The following CTDP1 variants were observed in gnomAD, a reference collection of about 807,000 sequenced individuals.
CTDP1 encodes RNA polymerase II subunit A C-terminal domain phosphatase.
CTDP1 carries 47 observed loss-of-function variants against 91.8 expected under a neutral mutation model. The ratio of observed to expected loss-of-function variants is 0.51; its 90% confidence interval spans 0.41 to 0.65. The LOEUF (loss-of-function observed/expected upper bound fraction) is 0.65, where lower values mean the gene tolerates loss of function less well. Among genes scored for constraint, CTDP1 ranks in the 30% least tolerant of loss-of-function variants. CTDP1 has a pLI of 0.00. For missense variants in CTDP1, 1,272 were observed against 1,373.7 expected (o/e 0.93, Z 1.17); for synonymous variants, 656 against 598.5 (o/e 1.10, Z -1.40).
intron 10 of CTDP1, 71 bp from the exon 11 acceptor site, chr18:79,728,836 G>A (rs1317877014): frequency 1.3e-6 from 2 of 1,505,918 alleles, no homozygotes; most frequent in Non-Finnish European, 1.8e-6. Context: ...AGAGCCAGGA[G>A]TCTGATTCGG....
Position 79,715,510 on chromosome 18 carries a change from C to A in CTDP1, c.2050C>A (p.Leu684Met), listed in dbSNP as rs868166103. ...CGACGCCCCTGACAGGGCCACGCACCTGATCGCCGCGCGAGCTGGTGAGTG... is the reference window on the plus strand; with the variant it reads ...CGACGCCCCTGACAGGGCCACGCACATGATCGCCGCGCGAGCTGGTGAGTG... Reference protein sequence around the residue: ...SPDAPDRATHLIAARAGTEKV... With the variant: ...SPDAPDRATHMIAARAGTEKV... Residue 684 changes from leucine (L) to methionine (M), a missense_variant, in exon 8 of 13, where the codon CTG becomes ATG. By Grantham distance (15) the Leu-to-Met change is conservative. Transcript: ENST00000613122. The A allele has an allele frequency of 6.4e-7, 1 of 1,559,796 alleles. No homozygotes were observed.
chr18:79,729,343 G>T (rs997769149), intron 11 of CTDP1, among the ~76,000 whole-genome samples: 4 of 152,218 alleles, frequency 2.6e-5, no homozygotes, highest in African/African-American at 9.6e-5. Context: ...TCTTCACCAG[G>T]ACCGATGCCG....
chr18:79,724,344 G>A (rs1259191797), intron 10 of CTDP1, among the ~76,000 whole-genome samples: 1 of 152,228 alleles, frequency 6.6e-6, no homozygotes, highest in African/African-American at 2.4e-5. Context: ...GGTAGATACA[G>A]TTGCTAAATT....
intron 12 of CTDP1, 102 bp downstream of exon 12, chr18:79,736,623 A>G: frequency 7.4e-6 from 9 of 1,221,086 alleles, no homozygotes; most frequent in Non-Finnish European, 1.0e-5. Flanking sequence ...CACGCCCTCC[A>G]CCATTCTGTG....
rs2122926335 is a variant in CTDP1, at chr18:79,754,167, G to C, written c.*377G>C. 1 of 348,090 alleles carries C rather than the reference G, an allele frequency of 2.9e-6. No homozygotes were observed. The highest frequency in any genetic ancestry group is 7.4e-5 in the East Asian group (1 of 13,540). The allele number at this position is 348,090 out of a possible 1,614,324, so 21.6% of individuals were successfully genotyped here. ...GGGGGTCCCACGAGACATGGACTAG[G>C]AGTTTAAGCAGGACAGTGTGCGTGC... On this transcript the variant is annotated 3_prime_UTR_variant, in exon 13 of 13. Transcript: ENST00000613122.
rs111806486 is a variant in CTDP1, at chr18:79,690,883, C to A, written c.315-4342C>A. ...AACCGCAGTACAGAAAATTACGTGA[C>A]TCCGACGTGGCCAGTATGCGAGTGA... On this transcript the variant is annotated intron_variant, in intron 1 of 12. Transcript: ENST00000613122. 4.4e-3 allele frequency among the ~76,000 whole-genome samples: 671 copies of A among 152,362 alleles called. 3 individuals carry two copies. The highest frequency in any genetic ancestry group is 0.015 in the African/African-American group (605 of 41,578).
rs2086124201 is a variant in CTDP1 at position 79,713,520 on chromosome 18, C to A, written c.1030+382C>A. Among the ~76,000 whole-genome samples, 1 of 152,208 alleles carries A rather than the reference C, an allele frequency of 6.6e-6. No individual in the cohort carries two copies. Among genetic ancestry groups the A allele is most frequent in the Admixed American group, 6.5e-5 (1 of 15,290 alleles). ...TGGCTCTGCGGGGAATAACCGTTCC[C>A]CATGCGCAGTGGTCAGGCTGGGCGC... On this transcript the variant is annotated intron_variant, in intron 7 of 12. Transcript: ENST00000613122. This position sits in a 1 kb window ranked among gnomAD's most constrained non-coding sequence, Gnocchi z 4.7.
chr18:79,680,471 G>A (rs571731092), intron 1 of CTDP1, among the ~76,000 whole-genome samples: 2 of 152,346 alleles, frequency 1.3e-5, no homozygotes, highest in South Asian at 4.1e-4. Flanking sequence ...AAAAGGAAAG[G>A]GTCCTGCGTA....
At chr18:79,717,401 G>A in intron 8 of CTDP1, 134 bp from the exon 9 acceptor site, 1 of 1,294,478 alleles carries the variant, frequency 7.7e-7, no homozygotes, top group Non-Finnish European at 1.1e-6. Flanking sequence ...AGGCCCTGGT[G>A]GGATGCAGCC....
At chr18:79,753,562 A>G in intron 12 of CTDP1, 90 bp from the exon 13 acceptor site, 1 of 1,601,248 alleles carries the variant, frequency 6.2e-7, no homozygotes, top group Non-Finnish European at 8.5e-7. Context: ...TGTTAAAACC[A>G]CGGAAGCCAC....
chr18:79,755,485 A>G (rs924828916), downstream of CTDP1: 1 of 152,306 alleles, frequency 6.6e-6, no homozygotes, highest in Non-Finnish European at 1.5e-5. Context: ...CAAAGAAAGC[A>G]GAAGATTCTA....
At chr18:79,748,473 A>G (rs2086924787) in intron 12 of CTDP1, among the ~76,000 whole-genome samples, 2 of 152,180 alleles carry the variant, frequency 1.3e-5, no homozygotes, top group African/African-American at 4.8e-5. Context: ...ACTCAGCCTC[A>G]TGGAAGCCCT....
intron 10 of CTDP1, among the ~76,000 whole-genome samples, chr18:79,720,784 CG>C (rs2086329194): frequency 6.6e-6 from 1 of 152,172 alleles, no homozygotes. Context: ...TGACGACCCA[CG>C]GTTGTCATCA....
At chr18:79,693,091 C>T (rs538646147) in intron 1 of CTDP1, among the ~76,000 whole-genome samples, 1 of 152,268 alleles carries the variant, frequency 6.6e-6, no homozygotes, top group Admixed American at 6.5e-5. Context: ...GCCCCGAGTG[C>T]GATGGCGGTA....
intron 1 of CTDP1, among the ~76,000 whole-genome samples, chr18:79,684,636 G>T: frequency 6.7e-6 from 1 of 149,074 alleles, no homozygotes; most frequent in East Asian, 1.9e-4. Flanking sequence ...GGCAAGGTGG[G>T]TCCGTGCCCT....
intron 1 of CTDP1, among the ~76,000 whole-genome samples, chr18:79,683,849 G>A (rs1158589469): frequency 6.6e-6 from 1 of 152,240 alleles, no homozygotes; most frequent in African/African-American, 2.4e-5. Context: ...CCTGTCTCTT[G>A]AGGCTTGGTC....
intron 12 of CTDP1, among the ~76,000 whole-genome samples, chr18:79,745,385 C>T (rs2086865329): frequency 2.4e-5 from 1 of 40,838 alleles, no homozygotes; most frequent in Non-Finnish European, 4.5e-5. Context: ...GCGTCCCTCC[C>T]GTGCGCGTTC....
At chr18:79,681,756 A>G (rs1431487798) in intron 1 of CTDP1, among the ~76,000 whole-genome samples, 3 of 152,136 alleles carry the variant, frequency 2.0e-5, no homozygotes, top group African/African-American at 7.2e-5. Flanking sequence ...TCTGTGTGGC[A>G]CCAGGTGTCC....
downstream of CTDP1, chr18:79,754,637 C>G (rs1336560813): frequency 2.6e-5 from 4 of 152,274 alleles, no homozygotes; most frequent in Non-Finnish European, 5.9e-5. Flanking sequence ...AAATGGAAAC[C>G]GCAGAACTGC....
Sources: allele counts gnomAD v4.1 joint callset (sites outside exome capture counted in the v4.1 genomes callset), GRCh38; gene constraint gnomAD v4.1.1; non-coding constraint Gnocchi (gnomAD v3.1); transcripts MANE v1.5; gene names NCBI Gene and HGNC (gene_info 2026-07-23, HGNC 2026-07-21).